The following MBTPS1 variants were observed in gnomAD, a reference collection of about 807,000 sequenced individuals.
MBTPS1 encodes membrane-bound transcription factor site-1 protease.
In MBTPS1, 94 loss-of-function variants were observed where a neutral mutation model predicts 127.8. The ratio of observed to expected loss-of-function variants is 0.74; its 90% confidence interval spans 0.62 to 0.87. MBTPS1 has a LOEUF of 0.87. MBTPS1 is among the 40% of genes least tolerant of loss of function. The pLI is 0.00. For missense variants in MBTPS1, 1,636 were observed against 1,353.2 expected, an observed-to-expected ratio of 1.21 and a Z score of -3.28; for synonymous variants, 632 against 509.4, an observed-to-expected ratio of 1.24 and a Z score of -3.24.
At chr16:84,097,416 G>C (rs1238766935) in intron 3 of MBTPS1, among the ~76,000 whole-genome samples, 1 of 152,198 alleles carries the variant, frequency 6.6e-6, no homozygotes, top group African/African-American at 2.4e-5. Context: ...AGATGGAAAA[G>C]ACGCTTACTG....
At chr16:84,073,089 A>G (rs190526470) in intron 12 of MBTPS1, among the ~76,000 whole-genome samples, 1 of 152,362 alleles carries the variant, frequency 6.6e-6, no homozygotes, top group African/African-American at 2.4e-5. Flanking sequence ...TACTATTTCT[A>G]TATAAACAAC....
At chr16:84,056,201 G>C (rs985841503) in intron 21 of MBTPS1, 66 bp from the exon 22 acceptor site, 1 of 1,361,024 alleles carries the variant, frequency 7.3e-7, no homozygotes, top group African/African-American at 1.4e-5. Flanking sequence ...ACTAGTCTAG[G>C]AAGTTCAACT....
intron 3 of MBTPS1, among the ~76,000 whole-genome samples, chr16:84,097,837 CGTGT>C (rs71382894): frequency 0.012 from 1,765 of 143,122 alleles, 23 homozygotes; most frequent in African/African-American, 0.034. Flanking sequence ...AACTTCTCTT[CGTGT>C]GTGTGTGTGT....
chr16:84,073,923 T>C (rs191413486), intron 12 of MBTPS1, among the ~76,000 whole-genome samples: 4 of 152,208 alleles, frequency 2.6e-5, no homozygotes, highest in African/African-American at 9.6e-5. Flanking sequence ...GTAGAATCGC[T>C]TGAACCTGGG....
intron 6 of MBTPS1, 90 bp downstream of exon 6, chr16:84,093,095 ACTC>A (rs2086132023): frequency 1.2e-6 from 1 of 855,228 alleles, no homozygotes; most frequent in African/African-American, 1.7e-5. Flanking sequence ...ACTGACGTGC[ACTC>A]CTTTTACACA....
At position 84,059,414 on chromosome 16, in the gene MBTPS1, G is replaced by A. The variant is rs147197996; in HGVS notation, c.2719C>T (p.Arg907Trp). ...TGGGCCTCCAGAACCTTGGAGTACC[G>A]ATGAAGATGGTTTCCTGTGGTTAGC... is the stretch of plus-strand genomic sequence containing the variant. ...PERMEGNHLHRYSKVLEAHLG... is the reference protein window; with the variant it reads ...PERMEGNHLHWYSKVLEAHLG... Residue 907 changes from arginine (R) to tryptophan (W), a missense_variant, in exon 21 of 23, where the codon CGG (arginine) becomes TGG (tryptophan). Physicochemically the swap from Arg to Trp is moderately radical, Grantham distance 101 (BLOSUM62 -3). Coordinates refer to ENST00000343411, the MANE Select transcript of MBTPS1 (RefSeq NM_003791.4). 105 of 1,612,626 alleles carry A rather than the reference G, an allele frequency of 6.5e-5. No homozygotes were observed. In the Middle Eastern group the frequency reaches 8.2e-4, roughly 13 times the overall value.
At chr16:84,063,471 A>G in intron 18 of MBTPS1, 26 bp from the exon 19 acceptor site, 1 of 1,608,480 alleles carries the variant, frequency 6.2e-7, no homozygotes, top group East Asian at 2.2e-5. Flanking sequence ...AAAAAACAAC[A>G]GCCATGAGAG....
chr16:84,109,962 T>C (rs2086376807), intron 1 of MBTPS1, among the ~76,000 whole-genome samples: 1 of 152,204 alleles, frequency 6.6e-6, no homozygotes, highest in South Asian at 2.1e-4. Flanking sequence ...TACTCTCAAA[T>C]GCTTTAGAGA....
chr16:84,101,567 T>A, intron 2 of MBTPS1, 54 bp downstream of exon 2: 1 of 1,457,184 alleles, frequency 6.9e-7, no homozygotes, highest in Non-Finnish European at 9.4e-7. Context: ...TTATATTAAG[T>A]AAGCTTTAAA....
chr16:84,106,067 G>C (rs1027687590), intron 1 of MBTPS1, among the ~76,000 whole-genome samples: 2 of 152,150 alleles, frequency 1.3e-5, no homozygotes, highest in African/African-American at 2.4e-5. Context: ...GGCCAAGGCG[G>C]GTGGATCACC....
At chr16:84,062,312 G>A (rs1176817059) in intron 19 of MBTPS1, among the ~76,000 whole-genome samples, 1 of 152,038 alleles carries the variant, frequency 6.6e-6, no homozygotes, top group African/African-American at 2.4e-5. Context: ...GTAGAGACGC[G>A]GTTTCACTGT....
chr16:84,072,430 G>C (rs1597317470), intron 12 of MBTPS1, among the ~76,000 whole-genome samples: 1 of 152,198 alleles, frequency 6.6e-6, no homozygotes, highest in East Asian at 1.9e-4. Flanking sequence ...CGACCTAAAA[G>C]GGTGAATTTC....
Position 84,101,737 on chromosome 16 carries a change from C to T in MBTPS1, c.47G>A (p.Cys16Tyr). Reference sequence around the variant, plus strand: ...TCTGTCGCCCAGATGTTTCTTCCCACAGAGCAAAACCACGAGCAGAAGCAG... The same window carrying T: ...TCTGTCGCCCAGATGTTTCTTCCCATAGAGCAAAACCACGAGCAGAAGCAG... Reference protein sequence around the residue: ...IWLLLLVVLLCGKKHLGDRLE... With the variant: ...IWLLLLVVLLYGKKHLGDRLE... Residue 16 changes from cysteine (C) to tyrosine (Y), a missense_variant, in exon 2 of 23, where the codon TGT (cysteine) becomes TAT (tyrosine). Transcript: ENST00000343411. 1.2e-6 allele frequency: 2 copies of T among 1,614,148 alleles called. No homozygotes were observed. Among genetic ancestry groups the T allele is most frequent in the Non-Finnish European group, 1.7e-6 (2 of 1,180,000 alleles).
At chr16:84,098,825 A>G (rs1324215373) in intron 3 of MBTPS1, among the ~76,000 whole-genome samples, 1 of 152,132 alleles carries the variant, frequency 6.6e-6, no homozygotes, top group African/African-American at 2.4e-5. Flanking sequence ...ATTTTCTTCT[A>G]CCAGAACAGT....
chr16:84,106,340 G>A (rs1412864556), intron 1 of MBTPS1, among the ~76,000 whole-genome samples: 3 of 152,038 alleles, frequency 2.0e-5, no homozygotes, highest in African/African-American at 7.2e-5. Flanking sequence ...CAAAGAAAAG[G>A]AATATGACAA....
intron 11 of MBTPS1, among the ~76,000 whole-genome samples, chr16:84,076,933 T>C (rs2085862324): frequency 6.6e-6 from 1 of 152,110 alleles, no homozygotes; most frequent in African/African-American, 2.4e-5. Flanking sequence ...CATGCAAGAA[T>C]AGCCAAGAAG....
chr16:84,081,491 C>T, intron 11 of MBTPS1: 1 of 291,082 alleles, frequency 3.4e-6, no homozygotes, highest in Non-Finnish European at 6.3e-6. Context: ...AGAAAGTAAA[C>T]AACAAAAGCA....
chr16:84,087,530 A>G (rs1044539609), intron 8 of MBTPS1, 70 bp from the exon 9 acceptor site: 3 of 1,043,442 alleles, frequency 2.9e-6, no homozygotes, highest in Non-Finnish European at 4.3e-6. Context: ...TTTAAAATGG[A>G]TGATTCAAAC....
At chr16:84,109,204 G>A (rs1466495361) in intron 1 of MBTPS1, among the ~76,000 whole-genome samples, 10 of 152,220 alleles carry the variant, frequency 6.6e-5, no homozygotes, top group Admixed American at 5.9e-4. Flanking sequence ...GTCACTCAAT[G>A]AGGAAAGGCT....
Sources: allele counts gnomAD v4.1 joint callset (sites outside exome capture counted in the v4.1 genomes callset), GRCh38; gene constraint gnomAD v4.1.1; transcripts MANE v1.5; gene names NCBI Gene and HGNC (gene_info 2026-07-23, HGNC 2026-07-21).